The following TMCO5A variants were observed in gnomAD, a reference collection of about 807,000 sequenced individuals.
The protein encoded by TMCO5A is transmembrane and coiled-coil domain-containing protein 5A.
In TMCO5A, 34 loss-of-function variants were observed where a neutral mutation model predicts 42.3. That is an observed-to-expected ratio of 0.80 (90% CI 0.61 to 1.07). The LOEUF is 1.07. Ranked by LOEUF, TMCO5A falls within the 50% of genes least tolerant of loss-of-function variation. The pLI is 0.00. For missense variants in TMCO5A, 357 were observed against 327.9 expected (o/e 1.09, Z -0.69); for synonymous variants, 131 against 115.6 (o/e 1.13, Z -0.86).
chr15:37,986,384 T>G, the TMCO5A span, among the ~76,000 whole-genome samples: 12 of 133,966 alleles, frequency 9.0e-5, no homozygotes, highest in South Asian at 2.7e-3. Context: ...AGGGATGGTG[T>G]GTGTGTGTGT....
the TMCO5A span, among the ~76,000 whole-genome samples, chr15:37,978,887 A>G: frequency 6.6e-6 from 1 of 152,278 alleles, no homozygotes; most frequent in Middle Eastern, 3.4e-3. Context: ...TCATGGTGGA[A>G]GGCAAAGCAG....
At chr15:37,987,450 A>T in the TMCO5A span, among the ~76,000 whole-genome samples, 2 of 151,936 alleles carry the variant, frequency 1.3e-5, no homozygotes, top group African/African-American at 4.8e-5. Flanking sequence ...TGCTATATCT[A>T]AAAAATTGCC....
the TMCO5A span, among the ~76,000 whole-genome samples, chr15:37,996,612 G>A: frequency 2.0e-5 from 3 of 152,158 alleles, no homozygotes; most frequent in Non-Finnish European, 4.4e-5. Context: ...CAATTACCAG[G>A]TGTATAAACA....
chr15:38,028,778 G>A, the TMCO5A span, among the ~76,000 whole-genome samples: 1 of 152,164 alleles, frequency 6.6e-6, no homozygotes, highest in Non-Finnish European at 1.5e-5. Flanking sequence ...CAGAGGACAG[G>A]GTAGCAAGCA....
At chr15:37,982,159 T>G in the TMCO5A span, among the ~76,000 whole-genome samples, 1 of 152,294 alleles carries the variant, frequency 6.6e-6, no homozygotes, top group Non-Finnish European at 1.5e-5. Context: ...TTCAAGAGAA[T>G]AGATGTGGAA....
the TMCO5A span, among the ~76,000 whole-genome samples, chr15:37,998,832 C>T: frequency 2.6e-5 from 4 of 152,008 alleles, no homozygotes; most frequent in African/African-American, 7.3e-5. Context: ...TCCATGAACA[C>T]GAAATAACTT....
At chr15:37,984,410 A>G in the TMCO5A span, among the ~76,000 whole-genome samples, 2 of 152,228 alleles carry the variant, frequency 1.3e-5, no homozygotes, top group Non-Finnish European at 2.9e-5. Context: ...TCAGAGGACC[A>G]GAAAAGCTAA....
the TMCO5A span, among the ~76,000 whole-genome samples, chr15:38,004,582 T>C: frequency 3.9e-5 from 6 of 152,188 alleles, no homozygotes; most frequent in Non-Finnish European, 8.8e-5. Context: ...TAAGTGATTC[T>C]CCTCTGGCTA....
At chr15:38,006,480 T>C in the TMCO5A span, among the ~76,000 whole-genome samples, 1 of 152,204 alleles carries the variant, frequency 6.6e-6, no homozygotes, top group Non-Finnish European at 1.5e-5. Context: ...GTAAACAACT[T>C]TGCCCACTGG....
the TMCO5A span, among the ~76,000 whole-genome samples, chr15:37,981,574 C>T: frequency 2.0e-5 from 3 of 152,198 alleles, no homozygotes; most frequent in South Asian, 2.1e-4. Flanking sequence ...TTCAGCTACT[C>T]AGGAGACCGG....
the TMCO5A span, among the ~76,000 whole-genome samples, chr15:37,990,565 A>ATTT: frequency 4.6e-5 from 7 of 151,640 alleles, no homozygotes; most frequent in African/African-American, 7.3e-5. Context: ...GGATTTTTTA[A>ATTT]AATTTATTCT....
the TMCO5A span, among the ~76,000 whole-genome samples, chr15:38,037,541 C>T: frequency 2.0e-5 from 3 of 152,104 alleles, no homozygotes; most frequent in African/African-American, 7.2e-5. Flanking sequence ...ATAGTACTTG[C>T]CATCCAGAAA....
chr15:37,981,705 C>T, the TMCO5A span, among the ~76,000 whole-genome samples: 1 of 152,138 alleles, frequency 6.6e-6, no homozygotes, highest in Non-Finnish European at 1.5e-5. Flanking sequence ...CTAATAGCTG[C>T]TTTTCTGTGT....
the TMCO5A span, among the ~76,000 whole-genome samples, chr15:38,039,115 A>G: frequency 4.3e-4 from 65 of 152,232 alleles, no homozygotes; most frequent in African/African-American, 1.4e-3. Flanking sequence ...GAAAAAATGC[A>G]GGTTTTAATA....
chr15:37,966,596 G>A (rs545510756), intron 11 of TMCO5A: 13 of 702,856 alleles, frequency 1.8e-5, no homozygotes, highest in South Asian at 1.6e-4. Context: ...AATGTCTTGG[G>A]ACATCATTTC....
chr15:37,964,800 A>G (rs947791100), intron 11 of TMCO5A, among the ~76,000 whole-genome samples: 2 of 152,188 alleles, frequency 1.3e-5, no homozygotes, highest in African/African-American at 4.8e-5. Context: ...AAGTTCATGG[A>G]TTGGAAGAAT....
chr15:37,946,526 C>T (rs1487799435), intron 10 of TMCO5A, among the ~76,000 whole-genome samples: 1 of 152,152 alleles, frequency 6.6e-6, no homozygotes, highest in Non-Finnish European at 1.5e-5. Flanking sequence ...TTTGAGTCCT[C>T]TCTGATTTCT....
chr15:38,038,390 T>C, the TMCO5A span, among the ~76,000 whole-genome samples: 1 of 151,902 alleles, frequency 6.6e-6, no homozygotes, highest in East Asian at 1.9e-4. Context: ...GTATGAGATA[T>C]GGAAGATGAA....
At chr15:37,956,111 T>C (rs1029992011), downstream of TMCO5A, among the ~76,000 whole-genome samples, 2 of 152,014 alleles carry the variant, frequency 1.3e-5, no homozygotes, top group African/African-American at 4.8e-5. Context: ...TAGAGGGAAA[T>C]TTACAGCACT....
Sources: allele counts gnomAD v4.1 joint callset (sites outside exome capture counted in the v4.1 genomes callset), GRCh38; gene constraint gnomAD v4.1.1; transcripts MANE v1.5; gene names NCBI Gene and HGNC (gene_info 2026-07-23, HGNC 2026-07-21).